SPTA1: variants seen among roughly 807,000 people sequenced by gnomAD.
SPTA1 encodes the protein spectrin alpha, erythrocytic 1.
A neutral mutation model predicts 324.7 loss-of-function variants in SPTA1; 177 were observed. That is an observed-to-expected ratio of 0.55 (90% confidence interval 0.48 to 0.62). SPTA1 has a LOEUF of 0.62. Among genes scored for constraint, SPTA1 ranks in the 20% least tolerant of loss-of-function variants. The pLI is 0.00. For synonymous variants in SPTA1, 1,195 were observed against 1,041.3 expected, an observed-to-expected ratio of 1.15 and a Z score of -2.84; for missense variants, 3,162 against 2,883.6, an observed-to-expected ratio of 1.10 and a Z score of -2.21.
At chr1:158,636,310 T>C (rs1651065939) in intron 37 of SPTA1, among the ~76,000 whole-genome samples, 1 of 152,188 alleles carries the variant, frequency 6.6e-6, no homozygotes, top group African/African-American at 2.4e-5. Context: ...AGAGTGACCC[T>C]GCTGCCAAGT....
At chr1:158,656,492 T>C in intron 20 of SPTA1, 72 bp downstream of exon 20, 7 of 1,403,606 alleles carry the variant, frequency 5.0e-6, no homozygotes, top group Non-Finnish European at 7.1e-6. Context: ...AAGTAAAAAA[T>C]CAGCAATAAA....
chr1:158,677,414 T>A (rs1654461276), intron 7 of SPTA1, among the ~76,000 whole-genome samples: 1 of 152,178 alleles, frequency 6.6e-6, no homozygotes, highest in Non-Finnish European at 1.5e-5. Flanking sequence ...ATATTTGTTT[T>A]GTTTTTAAAT....
rs777007894 is a variant in SPTA1 at position 158,645,520 on chromosome 1, A to G, written c.3971T>C (p.Ile1324Thr). ...CTGATGTCTCTCCAGCAAGATCTCTATGCCAGTTAAGTCTTCGGCCAGCTC... is the reference window on the plus strand; with the variant it reads ...CTGATGTCTCTCCAGCAAGATCTCTGTGCCAGTTAAGTCTTCGGCCAGCTC... Reference protein sequence around the residue: ...SQELAEDLTGIEILLERHQEH... With the variant: ...SQELAEDLTGTEILLERHQEH... Residue 1324 changes from isoleucine to threonine, a missense_variant, in exon 28 of 52, where the codon ATA (isoleucine) becomes ACA (threonine). Ile to Thr is a moderately conservative substitution (Grantham distance 89). Coordinates refer to ENST00000643759, the MANE Select transcript of SPTA1 (RefSeq NM_003126.4). 2.2e-5 allele frequency: 35 copies of G among 1,613,888 alleles called. No individual in the cohort carries two copies. The highest frequency in any genetic ancestry group is 3.0e-5 in the Non-Finnish European group (35 of 1,179,956).
intron 2 of SPTA1, among the ~76,000 whole-genome samples, chr1:158,684,389 A>G (rs1439096039): frequency 6.6e-6 from 1 of 152,016 alleles, no homozygotes; most frequent in African/African-American, 2.4e-5. Context: ...TCTTCACCCT[A>G]TTTCCCTTCT....
rs1178549518 is a variant in SPTA1, at chr1:158,636,052, T to A, written c.5311-18A>T. On this transcript the variant is annotated intron_variant, in intron 37 of 51. Transcript: ENST00000643759. ...AGCACATTCTGAAGAACAACCCCGA[T>A]ACATGTTCCATTACCCCACAATCTC... is the stretch of plus-strand genomic sequence containing the variant. The A allele has an allele frequency of 6.2e-7, 1 of 1,613,966 alleles. No homozygotes were observed. Among genetic ancestry groups the A allele is most frequent in the Non-Finnish European group, 8.5e-7 (1 of 1,179,978 alleles).
intron 14 of SPTA1, 140 bp from the exon 15 acceptor site, chr1:158,668,202 C>T: frequency 1.0e-6 from 1 of 964,248 alleles, no homozygotes; most frequent in Non-Finnish European, 1.6e-6. Flanking sequence ...TTTCCTAGTC[C>T]AACGTTTGAG....
At position 158,648,513 on chromosome 1, in the gene SPTA1, T is replaced by G; in HGVS notation, c.3710A>C (p.Asp1237Ala). 4 of 1,613,832 alleles carry G rather than the reference T, an allele frequency of 2.5e-6. No homozygotes were observed. Among genetic ancestry groups the G allele is most frequent in the Non-Finnish European group, 3.4e-6 (4 of 1,179,862 alleles). The change falls in exon 26 of 52, where the codon GAT becomes GCT. Residue 1237 changes from aspartate (D) to alanine (A), a missense_variant. Transcript: ENST00000643759. Reference protein sequence around the residue: ...GFERDLVPLGDKVTILGETAE... With the variant: ...GFERDLVPLGAKVTILGETAE... ...GCTTTGAAGGACTTGTCTCACCTTA[T>G]CTCCCAGGGGTACGAGGTCCCTTTC...
chr1:158,667,856 A>G lies in SPTA1; in HGVS notation c.2038+2T>C. ...CCTTTCACCAAAACCTCTGCTTTTT[A>G]CCTTTCTGTTTTGTAGCCTCCAGCA... On this transcript the variant is annotated splice_donor_variant, in intron 15 of 51. Coordinates refer to ENST00000643759, the MANE Select transcript of SPTA1 (RefSeq NM_003126.4). LOFTEE classifies it high-confidence loss of function. 1 of 1,613,784 alleles carries G rather than the reference A, an allele frequency of 6.2e-7. No homozygotes were observed. Among genetic ancestry groups the G allele is most frequent in the Non-Finnish European group, 8.5e-7 (1 of 1,179,902 alleles).
chr1:158,671,742 C>T (rs1415415292), intron 11 of SPTA1, among the ~76,000 whole-genome samples: 2 of 152,150 alleles, frequency 1.3e-5, no homozygotes, highest in African/African-American at 2.4e-5. Flanking sequence ...CTACTCACCT[C>T]CACTCTGATG....
Position 158,653,287 on chromosome 1 carries a change from G to C in SPTA1, c.3175C>G (p.Gln1059Glu). The change falls in exon 22 of 52, where the codon CAG becomes GAG. Residue 1059 changes from glutamine to glutamate, a missense_variant. Transcript: ENST00000643759. The part of the protein sequence containing the change: ...EPGNITQRQE[Q>E]IENQYRSLLD... ...TCCAGAACTTACTGGTTCTCAATCT[G>C]CTCCTGGCGCTGGGTGATGTTTCCT... 2.5e-6 allele frequency: 4 copies of C among 1,614,048 alleles called. No individual in the cohort carries two copies. The highest frequency in any genetic ancestry group is 1.7e-6 in the Non-Finnish European group (2 of 1,180,002).
intron 43 of SPTA1, chr1:158,620,839 TGAAA>T: frequency 5.2e-5 from 1 of 19,280 alleles, no homozygotes; most frequent in Non-Finnish European, 1.0e-4. Flanking sequence ...GTAGTAAACA[TGAAA>T]AAAAAAAAAA....
chr1:158,685,151 T>C lies in SPTA1; in HGVS notation c.221A>G (p.Asn74Ser), dbSNP rs762849672. ...DLGKWIMEKV[N>S]ILTDKSYEDP... ...TTCATAGCTCTTATCGGTTAAGATATTGACTTTCTCCATGATCCACTTCCC... is the reference window on the plus strand; with the variant it reads ...TTCATAGCTCTTATCGGTTAAGATACTGACTTTCTCCATGATCCACTTCCC... The change falls in exon 2 of 52, where the codon AAT becomes AGT. Residue 74 changes from asparagine to serine, a missense_variant. Physicochemically the swap from Asn to Ser is conservative, Grantham distance 46. Transcript: ENST00000643759. 2.5e-6 allele frequency: 4 copies of C among 1,613,734 alleles called. No homozygotes were observed. Among genetic ancestry groups the C allele is most frequent in the South Asian group, 2.2e-5 (2 of 91,078 alleles).
intron 42 of SPTA1, 32 bp downstream of exon 42, chr1:158,626,114 T>A (rs753819851): frequency 1.4e-5 from 22 of 1,594,302 alleles, no homozygotes; most frequent in Non-Finnish European, 1.9e-5. Context: ...GTGAATCAGG[T>A]CTTGGGCTTA....
In SPTA1 at chr1:158,681,686, A is replaced by C; in HGVS notation, c.391-19T>G. 6.2e-7 allele frequency: 1 copy of C among 1,613,462 alleles called. No homozygotes were observed. Among genetic ancestry groups the C allele is most frequent in the Non-Finnish European group, 8.5e-7 (1 of 1,179,634 alleles). ...TATGGGCCTTTAGGAAAGAGGGGCA[A>C]AACCACTCAGCCACAGACACTGGGA... On this transcript the variant is annotated intron_variant, in intron 3 of 51. Transcript: ENST00000643759.
At chr1:158,675,349 C>G (rs892016673) in intron 8 of SPTA1, among the ~76,000 whole-genome samples, 12 of 152,072 alleles carry the variant, frequency 7.9e-5, no homozygotes, top group Non-Finnish European at 2.9e-5. Context: ...AGTTCCTTAT[C>G]TAGAGTCAGA....
chr1:158,617,637 A>G, intron 46 of SPTA1, 49 bp from the exon 47 acceptor site: 3 of 1,491,468 alleles, frequency 2.0e-6, no homozygotes, highest in Non-Finnish European at 1.9e-6. Flanking sequence ...ACAGGTCAAT[A>G]TTTCATACAT....
intron 21 of SPTA1, 44 bp downstream of exon 21, chr1:158,654,567 T>A: frequency 6.2e-7 from 1 of 1,613,764 alleles, no homozygotes; most frequent in Non-Finnish European, 8.5e-7. Flanking sequence ...GAGATGGTTC[T>A]GAAAGAGCCA....
At chr1:158,661,210 C>T in intron 18 of SPTA1, 77 bp downstream of exon 18, 1 of 1,607,474 alleles carries the variant, frequency 6.2e-7, no homozygotes, top group Non-Finnish European at 8.5e-7. Flanking sequence ...TCCCTTGAAA[C>T]CCTAGGATAG....
intron 49 of SPTA1, 85 bp from the exon 50 acceptor site, chr1:158,613,952 CAGCTGAAGCTTTATTG>C: frequency 6.9e-7 from 1 of 1,450,954 alleles, no homozygotes; most frequent in South Asian, 1.2e-5. Flanking sequence ...CTTATTGCGT[CAGCTGAAGCTTTATTG>C]ACCTGTCACA....
Sources: gnomAD v4.1 joint callset for allele counts (sites outside exome capture counted in the v4.1 genomes callset) on GRCh38, gnomAD v4.1.1 for gene constraint, MANE v1.5 for transcripts, NCBI Gene and HGNC (gene_info 2026-07-23, HGNC 2026-07-21) for gene names.